MED30: variants seen among roughly 807,000 people sequenced by gnomAD.
MED30 encodes the protein mediator of RNA polymerase II transcription subunit 30.
MED30 carries 8 observed loss-of-function variants against 21.7 expected under a neutral mutation model. The observed-to-expected ratio is 0.37, with a 90% CI of 0.22 to 0.67. The LOEUF is 0.67. MED30 is among the 30% of genes least tolerant of loss of function. MED30 has a pLI of 0.58. For synonymous variants in MED30, 79 were observed against 86.7 expected, an observed-to-expected ratio of 0.91 and a Z score of 0.49; for missense variants, 203 against 228.2, an observed-to-expected ratio of 0.89 and a Z score of 0.71.
chr8:117,539,274 A>T (rs144924982), intron 3 of MED30, among the ~76,000 whole-genome samples: 38 of 152,288 alleles, frequency 2.5e-4, no homozygotes, highest in Admixed American at 1.3e-3. Flanking sequence ...CGGGCAGATC[A>T]CTTGAAGTCA....
At position 117,520,742 on chromosome 8, in the gene MED30, GC is replaced by G; in HGVS notation, c.-133del. On this transcript the variant is annotated 5_prime_UTR_variant, in exon 1 of 4. Coordinates refer to ENST00000297347, the MANE Select transcript of MED30 (RefSeq NM_080651.4). The stretch of plus-strand genomic sequence containing the variant: ...TACGTCACAGTGGGCGGAAGTCGCG[GC>G]CGCTGTTTTGAAATCGGGCCGCGGG... 1.2e-6 allele frequency: 1 copy of G among 857,002 alleles called. No homozygotes were observed. Among genetic ancestry groups the G allele is most frequent in the Non-Finnish European group, 1.7e-6 (1 of 580,422 alleles). 53.1% of individuals were successfully genotyped at this position (857,002 alleles called of 1,614,324 possible).
At chr8:117,522,361 G>A (rs1818637613) in intron 1 of MED30, among the ~76,000 whole-genome samples, 1 of 152,120 alleles carries the variant, frequency 6.6e-6, no homozygotes, top group African/African-American at 2.4e-5. Flanking sequence ...TTTTAAATAT[G>A]TATACATAGT....
chr8:117,530,051 A>T (rs530453577), intron 2 of MED30, among the ~76,000 whole-genome samples: 2 of 152,178 alleles, frequency 1.3e-5, no homozygotes, highest in South Asian at 4.1e-4. Context: ...AGGCTAGGTG[A>T]TTCCTGAAGT....
intron 3 of MED30, among the ~76,000 whole-genome samples, chr8:117,534,777 T>C (rs546778228): frequency 6.6e-6 from 1 of 151,146 alleles, no homozygotes; most frequent in African/African-American, 2.4e-5. Flanking sequence ...AGGGCTAACA[T>C]TTGGTTAACT....
At chr8:117,529,877 A>C (rs1818770355) in intron 2 of MED30, among the ~76,000 whole-genome samples, 1 of 151,988 alleles carries the variant, frequency 6.6e-6, no homozygotes, top group African/African-American at 2.4e-5. Flanking sequence ...TTCAGGAGGA[A>C]GGACAGCTCT....
chr8:117,522,981 A>G (rs72672130), intron 1 of MED30, among the ~76,000 whole-genome samples: 7,100 of 152,244 alleles, frequency 0.047, 218 homozygotes, highest in East Asian at 0.095. Flanking sequence ...TTTACAGTAA[A>G]GGAAACTGAG....
At chr8:117,529,334 A>G (rs997766962) in intron 2 of MED30, among the ~76,000 whole-genome samples, 1 of 151,864 alleles carries the variant, frequency 6.6e-6, no homozygotes, top group Non-Finnish European at 1.5e-5. Flanking sequence ...CCTGTTGACA[A>G]ATTATATCTC....
chr8:117,521,505 T>C (rs1818620137), intron 1 of MED30, among the ~76,000 whole-genome samples: 1 of 152,216 alleles, frequency 6.6e-6, no homozygotes, highest in African/African-American at 2.4e-5. Context: ...GATATATATG[T>C]GTACTGTAGT....
chr8:117,523,170 CAT>C (rs2130808911), intron 1 of MED30: 2 of 649,270 alleles, frequency 3.1e-6, no homozygotes, highest in East Asian at 5.5e-5. Context: ...AACTAGATTA[CAT>C]GTGGACCTGC....
chr8:117,537,399 CTCTAA>C (rs775206284), intron 3 of MED30, among the ~76,000 whole-genome samples: 2 of 152,106 alleles, frequency 1.3e-5, no homozygotes, highest in African/African-American at 4.8e-5. Context: ...ACACTTTAGC[CTCTAA>C]TAAGCATAAG....
intron 1 of MED30, among the ~76,000 whole-genome samples, chr8:117,528,101 CCTG>C (rs143977378): frequency 0.017 from 2,566 of 151,770 alleles, 81 homozygotes; most frequent in African/African-American, 0.058. Flanking sequence ...ACCCATATCT[CCTG>C]CTATTGATTT....
Position 117,521,021 on chromosome 8 carries a change from A to C in MED30, c.145A>C (p.Met49Leu). 6.3e-7 allele frequency: 1 copy of C among 1,596,328 alleles called. No individual in the cohort carries two copies. The highest frequency in any genetic ancestry group is 8.6e-7 in the Non-Finnish European group (1 of 1,168,740). ...AGTGCAGGACATCGTGTACCGCACCATGGAGATCTTCCAGCTCCTGAGGAA... is the reference window on the plus strand; with the variant it reads ...AGTGCAGGACATCGTGTACCGCACCCTGGAGATCTTCCAGCTCCTGAGGAA... Reference protein sequence around the residue: ...ETVQDIVYRTMEIFQLLRNMQ... With the variant: ...ETVQDIVYRTLEIFQLLRNMQ... Residue 49 changes from methionine (M) to leucine (L), a missense_variant, in exon 1 of 4, where the codon ATG (methionine) becomes CTG (leucine). By Grantham distance (15) the Met-to-Leu change is conservative. Coordinates refer to ENST00000297347, the MANE Select transcript of MED30 (RefSeq NM_080651.4).
In MED30 at chr8:117,532,443, G is replaced by T. The variant is rs142592036; in HGVS notation, c.441+1616G>T. ...GGTGTATAATACTGGCACAAGAATA[G>T]GCAGATTAGTAAAATAATCTAGCCA... On this transcript the variant is annotated intron_variant, in intron 3 of 3. Coordinates refer to ENST00000297347, the MANE Select transcript of MED30 (RefSeq NM_080651.4). 1.3e-3 allele frequency among the ~76,000 whole-genome samples: 192 copies of T among 152,018 alleles called. 4 individuals carry two copies. The East Asian group carries it at 0.033, about 26-fold the overall frequency.
intron 1 of MED30, among the ~76,000 whole-genome samples, chr8:117,527,756 T>C (rs926006556): frequency 6.6e-6 from 1 of 150,598 alleles, no homozygotes. Context: ...TTCCTACAAA[T>C]GAAAATGCCC....
At chr8:117,532,599 A>C (rs546771147) in intron 3 of MED30, among the ~76,000 whole-genome samples, 1 of 152,136 alleles carries the variant, frequency 6.6e-6, no homozygotes. Flanking sequence ...CATAAATCAA[A>C]ATGAATTTCA....
chr8:117,536,332 C>T (rs1269520947), intron 3 of MED30, among the ~76,000 whole-genome samples: 1 of 152,070 alleles, frequency 6.6e-6, no homozygotes, highest in Non-Finnish European at 1.5e-5. Context: ...AAATAAGTTG[C>T]TTTATAGATC....
chr8:117,521,044 G>A lies in MED30; in HGVS notation c.168G>A (p.Arg56=), dbSNP rs776850407. ...CCATGGAGATCTTCCAGCTCCTGAG[G>A]AACATGCAGGTAGGAAGGCGGGCGC... ...YRTMEIFQLL[R]NMQLPNGVTY... Residue 56 remains arginine, a synonymous_variant, in exon 1 of 4, where the codon AGG becomes AGA. Coordinates refer to ENST00000297347, the MANE Select transcript of MED30 (RefSeq NM_080651.4). 1 of 1,585,846 alleles carries A rather than the reference G, an allele frequency of 6.3e-7. No individual in the cohort carries two copies. The highest frequency in any genetic ancestry group is 8.6e-7 in the Non-Finnish European group (1 of 1,161,786).
At chr8:117,525,399 A>G (rs757493327) in intron 1 of MED30, among the ~76,000 whole-genome samples, 17 of 148,878 alleles carry the variant, frequency 1.1e-4, no homozygotes, top group Non-Finnish European at 1.8e-4. Context: ...AGCTATTTAC[A>G]TACTAGAGAA....
chr8:117,537,338 G>A (rs1216980363), intron 3 of MED30, among the ~76,000 whole-genome samples: 2 of 152,182 alleles, frequency 1.3e-5, no homozygotes, highest in African/African-American at 2.4e-5. Flanking sequence ...AAATCAATCA[G>A]TGGCAAGACT....
Sources: allele counts gnomAD v4.1 joint callset (sites outside exome capture counted in the v4.1 genomes callset), GRCh38; gene constraint gnomAD v4.1.1; transcripts MANE v1.5; gene names NCBI Gene and HGNC (gene_info 2026-07-23, HGNC 2026-07-21).